The following SORCS1 variants were observed in gnomAD, a reference collection of about 807,000 sequenced individuals.
SORCS1 encodes the protein sortilin related VPS10 domain containing receptor 1, also known as VPS10 domain-containing receptor SorCS1.
Under a neutral mutation model 146.1 loss-of-function variants are expected in SORCS1, and 60 were observed. The ratio of observed to expected loss-of-function variants is 0.41; its 90% CI spans 0.33 to 0.51. The LOEUF (loss-of-function observed/expected upper bound fraction) is 0.51. Among genes scored for constraint, SORCS1 ranks in the 20% least tolerant of loss-of-function variants. The probability of loss-of-function intolerance (pLI) is 0.21; values close to 1 mark genes in which losing one functional copy is unlikely to be tolerated. For missense variants in SORCS1, 1,352 were observed against 1,487.6 expected, an observed-to-expected ratio of 0.91 and a Z score of 1.50; for synonymous variants, 637 against 584.0, an observed-to-expected ratio of 1.09 and a Z score of -1.31.
chr10:106,723,995 A>G (rs574081921), intron 6 of SORCS1, among the ~76,000 whole-genome samples: 1 of 152,210 alleles, frequency 6.6e-6, no homozygotes, highest in Non-Finnish European at 1.5e-5. Flanking sequence ...TTTTAAATTA[A>G]TATATTATAT....
At chr10:106,913,140 T>C (rs539105728) in intron 2 of SORCS1, among the ~76,000 whole-genome samples, 1 of 152,098 alleles carries the variant, frequency 6.6e-6, no homozygotes, top group Admixed American at 6.5e-5. Context: ...TGTCATTTCC[T>C]AAACAAACTC....
At chr10:106,824,522 G>A (rs1450623481) in intron 3 of SORCS1, among the ~76,000 whole-genome samples, 2 of 150,942 alleles carry the variant, frequency 1.3e-5, no homozygotes, top group East Asian at 3.9e-4. Flanking sequence ...CCGGGAGGCG[G>A]AGGTTGCAGT....
intron 2 of SORCS1, among the ~76,000 whole-genome samples, chr10:106,831,480 T>C (rs1307375889): frequency 1.3e-5 from 2 of 152,180 alleles, no homozygotes; most frequent in Non-Finnish European, 2.9e-5. Flanking sequence ...TAACAATGCT[T>C]AGAAATTAAA....
intron 5 of SORCS1, among the ~76,000 whole-genome samples, chr10:106,749,863 T>A (rs906071506): frequency 6.6e-6 from 1 of 152,290 alleles, no homozygotes. Context: ...GAGGACCATT[T>A]TACTGATGAA....
chr10:107,077,131 CAT>C lies in SORCS1; in HGVS notation c.558+86836_558+86837del, dbSNP rs199666236. On this transcript the variant is annotated intron_variant, in intron 1 of 25. Transcript: ENST00000263054. ...CTGTTTCTATTGACCTAAAGTTTCACATGTTTCTGTTTTATTTTTCCCCTCTA... is the reference window on the plus strand; with the variant it reads ...CTGTTTCTATTGACCTAAAGTTTCACGTTTCTGTTTTATTTTTCCCCTCTA... Among the ~76,000 whole-genome samples the C allele has an allele frequency of 9.1e-3, 1,390 of 152,130 alleles. 18 individuals are homozygous for C. Among genetic ancestry groups the C allele is most frequent in the Non-Finnish European group, 0.01 (683 of 67,962 alleles).
intron 23 of SORCS1, among the ~76,000 whole-genome samples, chr10:106,598,008 G>A (rs1263606860): frequency 4.6e-5 from 7 of 151,976 alleles, no homozygotes; most frequent in Non-Finnish European, 7.4e-5. Flanking sequence ...CTGTTCCTCA[G>A]GCTGACACAC....
At chr10:107,101,766 T>TGTGC (rs1964941314) in intron 1 of SORCS1, among the ~76,000 whole-genome samples, 1 of 151,888 alleles carries the variant, frequency 6.6e-6, no homozygotes, top group South Asian at 2.1e-4. Flanking sequence ...TGTGTGTGTG[T>TGTGC]GTGTGTGTGT....
chr10:107,165,875 C>A (rs1220993341), upstream of SORCS1, among the ~76,000 whole-genome samples: 6 of 152,152 alleles, frequency 3.9e-5, no homozygotes, highest in Admixed American at 3.3e-4. The surrounding 1 kb of genome is among the most constrained non-coding windows in gnomAD (Gnocchi z 4.0). Flanking sequence ...CTTTAAAATC[C>A]CTTCCGCTCC....
chr10:106,928,342 C>G (rs1451558999), intron 2 of SORCS1, among the ~76,000 whole-genome samples: 1 of 152,206 alleles, frequency 6.6e-6, no homozygotes, highest in Non-Finnish European at 1.5e-5. Flanking sequence ...CAGCCGCTGG[C>G]CCGGGTGCTA....
intron 1 of SORCS1, among the ~76,000 whole-genome samples, chr10:107,021,555 A>G (rs1353567266): frequency 7.0e-6 from 1 of 143,282 alleles, no homozygotes; most frequent in Non-Finnish European, 1.5e-5. Context: ...GAATACGCAT[A>G]TTTATCCCAA....
intron 20 of SORCS1, chr10:106,620,133 T>G: frequency 4.4e-6 from 1 of 228,836 alleles, no homozygotes; most frequent in Non-Finnish European, 8.5e-6. Context: ...GGAAATAGAG[T>G]TTAATTTCTC....
chr10:106,873,600 G>A lies in SORCS1; in HGVS notation c.627-43927C>T, dbSNP rs1950494036. Among the ~76,000 whole-genome samples the A allele has an allele frequency of 2.6e-5, 4 of 151,894 alleles. 1 individual carries two copies. The South Asian group carries it at 6.3e-4, about 24-fold the overall frequency. On this transcript the variant is annotated intron_variant, in intron 2 of 25. Transcript: ENST00000263054. ...GCCCTATGACTTATTTATTACCCCT[G>A]CCAAAGTCACCTACTTTAATTTTCT...
At chr10:106,694,308 C>T (rs1414319397) in intron 9 of SORCS1, among the ~76,000 whole-genome samples, 7 of 152,112 alleles carry the variant, frequency 4.6e-5, no homozygotes, top group Admixed American at 1.3e-4. Context: ...CTTGCTCTGT[C>T]GCCCAGGCTG....
At chr10:107,078,608 C>A (rs1963079060) in intron 1 of SORCS1, among the ~76,000 whole-genome samples, 1 of 152,114 alleles carries the variant, frequency 6.6e-6, no homozygotes, top group African/African-American at 2.4e-5. Flanking sequence ...AGTATCAGAT[C>A]TTCTTTTCAT....
At chr10:107,106,548 T>C (rs1363476625) in intron 1 of SORCS1, among the ~76,000 whole-genome samples, 1 of 152,236 alleles carries the variant, frequency 6.6e-6, no homozygotes, top group Non-Finnish European at 1.5e-5. Flanking sequence ...AAAACTATTA[T>C]ATCTATTAAA....
chr10:106,976,333 G>GTTTTTTTTTGT (rs1554901319), intron 1 of SORCS1, among the ~76,000 whole-genome samples: 9,365 of 113,386 alleles, frequency 0.083, 973 homozygotes, highest in African/African-American at 0.29. Context: ...AGGTTTTTTT[G>GTTTTTTTTTGT]TTTTTTTTTT....
At chr10:107,062,512 T>C (rs1250354885) in intron 1 of SORCS1, among the ~76,000 whole-genome samples, 1 of 152,108 alleles carries the variant, frequency 6.6e-6, no homozygotes, top group Non-Finnish European at 1.5e-5. Context: ...AGATGTAATG[T>C]TAAATCACCA....
At chr10:106,777,954 T>G (rs1860582000) in intron 3 of SORCS1, among the ~76,000 whole-genome samples, 1 of 152,116 alleles carries the variant, frequency 6.6e-6, no homozygotes, top group Non-Finnish European at 1.5e-5. Context: ...GCCCAAGGAT[T>G]AAAGATTACC....
At chr10:106,840,883 G>C (rs1215699635) in intron 2 of SORCS1, among the ~76,000 whole-genome samples, 1 of 144,130 alleles carries the variant, frequency 6.9e-6, no homozygotes, top group Admixed American at 7.0e-5. Context: ...TTTGGATGGA[G>C]TCTTGCTCTG....
Sources: gnomAD v4.1 joint callset for allele counts (sites outside exome capture counted in the v4.1 genomes callset) on GRCh38, gnomAD v4.1.1 for gene constraint, Gnocchi (gnomAD v3.1) non-coding constraint, MANE v1.5 for transcripts, NCBI Gene and HGNC (gene_info 2026-07-23, HGNC 2026-07-21) for gene names.